Variants in ASB15 observed in about 807,000 individuals in gnomAD.
The protein encoded by ASB15 is ankyrin repeat and SOCS box containing 15.
In ASB15, 54 loss-of-function variants were observed where a neutral mutation model predicts 58.0. That is an observed-to-expected ratio of 0.93 (90% CI 0.75 to 1.17). ASB15 has a LOEUF of 1.17. Among genes scored for constraint, ASB15 ranks in the 50% most tolerant of loss-of-function variants. The probability of loss-of-function intolerance (pLI) is 0.00; values close to 1 mark genes in which losing one functional copy is unlikely to be tolerated. For missense variants in ASB15, 680 were observed against 707.4 expected (o/e 0.96, Z 0.44); for synonymous variants, 249 against 262.4 (o/e 0.95, Z 0.50).
rs1360829483 is a variant in ASB15 at position 123,629,016 on chromosome 7, A to T, written c.1022A>T (p.His341Leu). The change falls in exon 10 of 12, where the codon CAC (histidine) becomes CTC (leucine). Residue 341 changes from histidine to leucine, a missense_variant. Coordinates refer to ENST00000451215, the MANE Select transcript of ASB15 (RefSeq NM_001290258.2). Reference sequence around the variant, plus strand: ...GATGTCAACACTCTACTTGCTGACCACATTTCCCAGAGCTATGACGATGAG... The same window carrying T: ...GATGTCAACACTCTACTTGCTGACCTCATTTCCCAGAGCTATGACGATGAG... ...GFDVNTLLADHISQSYDDERK... is the reference protein window; with the variant it reads ...GFDVNTLLADLISQSYDDERK... 1 of 1,613,822 alleles carries T rather than the reference A, an allele frequency of 6.2e-7. No homozygotes were observed. Among genetic ancestry groups the T allele is most frequent in the Non-Finnish European group, 8.5e-7 (1 of 1,179,862 alleles).
intron 7 of ASB15, among the ~76,000 whole-genome samples, chr7:123,621,158 A>C (rs931082971): frequency 1.3e-5 from 2 of 152,204 alleles, no homozygotes; most frequent in Non-Finnish European, 2.9e-5. Context: ...CATGCATTTC[A>C]AAGTTCCATG....
chr7:123,570,847 A>G (rs11983811), intron 1 of ASB15, among the ~76,000 whole-genome samples: 2,406 of 152,272 alleles, frequency 0.016, 63 homozygotes, highest in African/African-American at 0.049. Context: ...TTACCTGTCC[A>G]TATGGATTTC....
chr7:123,572,790 A>C (rs555035250), intron 1 of ASB15, among the ~76,000 whole-genome samples: 1 of 150,550 alleles, frequency 6.6e-6, no homozygotes, highest in South Asian at 2.1e-4. Flanking sequence ...AGTTTTATAC[A>C]TTTGTTACAT....
At chr7:123,629,552 T>C (rs1165404164) in intron 10 of ASB15, 118 bp downstream of exon 10, 3 of 985,346 alleles carry the variant, frequency 3.0e-6, no homozygotes, top group Admixed American at 5.9e-5. Flanking sequence ...TTTTTCTTGT[T>C]TTTTCAATTT....
upstream of ASB15, among the ~76,000 whole-genome samples, chr7:123,597,586 C>T (rs969870001): frequency 2.6e-5 from 4 of 152,060 alleles, no homozygotes; most frequent in Non-Finnish European, 4.4e-5. Flanking sequence ...AATCCCAGCA[C>T]TTTGGGAGGC....
chr7:123,579,987 T>G (rs1215586179), intron 1 of ASB15, among the ~76,000 whole-genome samples: 1 of 151,966 alleles, frequency 6.6e-6, no homozygotes, highest in African/African-American at 2.4e-5. Flanking sequence ...TAAATCCTGA[T>G]GTAACAAAGG....
chr7:123,631,617 C>T (rs1802121325), intron 11 of ASB15, among the ~76,000 whole-genome samples: 1 of 151,996 alleles, frequency 6.6e-6, no homozygotes, highest in Non-Finnish European at 1.5e-5. Flanking sequence ...CAAGAAAGGA[C>T]CCACAAAAAA....
At chr7:123,632,419 G>C (rs1445701584) in intron 11 of ASB15, among the ~76,000 whole-genome samples, 1 of 152,126 alleles carries the variant, frequency 6.6e-6, no homozygotes, top group African/African-American at 2.4e-5. Flanking sequence ...TATAAACGAA[G>C]AAATAGATAA....
At chr7:123,626,814 C>T (rs1801819367) in intron 8 of ASB15, among the ~76,000 whole-genome samples, 1 of 152,066 alleles carries the variant, frequency 6.6e-6, no homozygotes, top group Admixed American at 6.6e-5. Context: ...CTCGGCTCAT[C>T]ACAACCTCCA....
At chr7:123,624,500 A>G in intron 7 of ASB15, 69 bp from the exon 8 acceptor site, 2 of 1,407,408 alleles carry the variant, frequency 1.4e-6, no homozygotes, top group Non-Finnish European at 2.0e-6. Context: ...AAATTTAGTA[A>G]TTAGTTTAAT....
At chr7:123,623,779 G>T (rs748451678) in intron 7 of ASB15, among the ~76,000 whole-genome samples, 1 of 150,834 alleles carries the variant, frequency 6.6e-6, no homozygotes, top group Non-Finnish European at 1.5e-5. Context: ...CAGGAGAATT[G>T]CTTGAACCCA....
intron 1 of ASB15, among the ~76,000 whole-genome samples, chr7:123,576,861 A>C (rs1301450490): frequency 6.6e-6 from 1 of 152,148 alleles, no homozygotes. Context: ...TCTGCTGGTT[A>C]CATTATTCCA....
At chr7:123,623,464 G>A (rs1032813694) in intron 7 of ASB15, among the ~76,000 whole-genome samples, 1 of 152,062 alleles carries the variant, frequency 6.6e-6, no homozygotes. Context: ...CAACTGATTT[G>A]GTGAACCTCC....
intron 1 of ASB15, among the ~76,000 whole-genome samples, chr7:123,572,269 G>A (rs527259093): frequency 1.4e-5 from 2 of 145,998 alleles, no homozygotes; most frequent in Admixed American, 7.2e-5. Context: ...AGCCTCCTAC[G>A]TAGCTGGGAC....
chr7:123,602,844 A>G (rs954746031), intron 1 of ASB15, among the ~76,000 whole-genome samples: 1 of 152,136 alleles, frequency 6.6e-6, no homozygotes, highest in Non-Finnish European at 1.5e-5. Context: ...GTTAGAGTAT[A>G]CTGGTTAAGC....
intron 3 of ASB15, among the ~76,000 whole-genome samples, chr7:123,611,082 CAAAAA>C (rs34527165): frequency 8.6e-5 from 7 of 81,856 alleles, no homozygotes; most frequent in African/African-American, 3.2e-4. Context: ...AACTCCATCT[CAAAAA>C]AAAAAAAAAA....
intron 1 of ASB15, among the ~76,000 whole-genome samples, chr7:123,588,659 A>T (rs1799443906): frequency 6.7e-6 from 1 of 148,802 alleles, no homozygotes; most frequent in Non-Finnish European, 1.5e-5. Flanking sequence ...TGAGGTATAA[A>T]GTTAGGCTAT....
At chr7:123,587,183 C>A (rs1425127487) in intron 1 of ASB15, among the ~76,000 whole-genome samples, 1 of 151,424 alleles carries the variant, frequency 6.6e-6, no homozygotes, top group African/African-American at 2.4e-5. Flanking sequence ...ACTGTTAATT[C>A]TTCCAAATTC....
intron 7 of ASB15, among the ~76,000 whole-genome samples, chr7:123,621,821 A>G (rs565436965): frequency 1.3e-5 from 2 of 151,868 alleles, no homozygotes; most frequent in Non-Finnish European, 2.9e-5. Flanking sequence ...TTGCACTTGG[A>G]CTCCTTCTCT....
Sources: gnomAD v4.1 joint callset for allele counts (sites outside exome capture counted in the v4.1 genomes callset) on GRCh38, gnomAD v4.1.1 for gene constraint, MANE v1.5 for transcripts, NCBI Gene and HGNC (gene_info 2026-07-23, HGNC 2026-07-21) for gene names.